The following ZNF148 variants were observed in gnomAD, a reference collection of about 807,000 sequenced individuals.
ZNF148 encodes the protein Beta-Enolase Repressor Factor-1.
ZNF148 carries 7 observed loss-of-function variants against 67.7 expected under a neutral mutation model. That is an observed-to-expected ratio of 0.10 (90% CI 0.06 to 0.19). The LOEUF (loss-of-function observed/expected upper bound fraction) is 0.19, where lower values mean the gene tolerates loss of function less well. Among genes scored for constraint, ZNF148 ranks in the 10% least tolerant of loss-of-function variants. ZNF148 has a pLI of 1.00. For synonymous variants in ZNF148, 333 were observed against 330.7 expected, an observed-to-expected ratio of 1.01 and a Z score of -0.08; for missense variants, 583 against 947.1, an observed-to-expected ratio of 0.62 and a Z score of 5.05.
At chr3:125,238,824 A>AG (rs1484292949) in intron 7 of ZNF148, among the ~76,000 whole-genome samples, 1 of 152,228 alleles carries the variant, frequency 6.6e-6, no homozygotes, top group Non-Finnish European at 1.5e-5. Context: ...CACTGATCAC[A>AG]GAATTATTCA....
chr3:125,256,135 G>A (rs572381875), intron 7 of ZNF148, among the ~76,000 whole-genome samples: 19 of 152,004 alleles, frequency 1.2e-4, no homozygotes, highest in East Asian at 3.9e-4. Flanking sequence ...AGGCCGAGGC[G>A]GGTGGATCAC....
At chr3:125,288,037 G>A in intron 5 of ZNF148, 66 bp downstream of exon 5, 5 of 1,606,430 alleles carry the variant, frequency 3.1e-6, no homozygotes, top group South Asian at 2.2e-5. Context: ...CCAGGTTCTT[G>A]CCTATAGAAT....
chr3:125,322,314 AT>A lies in ZNF148; in HGVS notation c.-17+994del, dbSNP rs879720472. Reference sequence around the variant, plus strand: ...CTGCTGGGATTACAGGCCTGAGGCCATTTTTTTTTTTTTAATGAAAATAAAT... The same window carrying A: ...CTGCTGGGATTACAGGCCTGAGGCCATTTTTTTTTTTTAATGAAAATAAAT... On this transcript the variant is annotated intron_variant, in intron 3 of 8. Coordinates refer to ENST00000360647, the MANE Select transcript of ZNF148 (RefSeq NM_021964.3). 8.5e-3 allele frequency among the ~76,000 whole-genome samples: 1,208 copies of A among 142,554 alleles called. 7 individuals are homozygous for A. The highest frequency in any genetic ancestry group is 0.021 in the African/African-American group (813 of 39,066). 93.5% of individuals were successfully genotyped at this position (142,554 alleles called of 152,430 possible).
chr3:125,372,899 G>A (rs188472487), intron 1 of ZNF148, among the ~76,000 whole-genome samples: 55 of 152,280 alleles, frequency 3.6e-4, no homozygotes, highest in Admixed American at 3.4e-3. Context: ...CCGGGAGGTG[G>A]AGGTTGCAGT....
rs1054908119 is a variant in ZNF148 at position 125,228,199 on chromosome 3, T to C, written c.*4142A>G. ...ATCCAAAGCAAATCACAAAGTTAGG[T>C]AGCAGTACAGAAGCAGGAAAAAAAA... On this transcript the variant is annotated 3_prime_UTR_variant, in exon 9 of 9. Transcript: ENST00000360647. 1 of 152,520 alleles carries C rather than the reference T, an allele frequency of 6.6e-6. No homozygotes were observed. Among genetic ancestry groups the C allele is most frequent in the Non-Finnish European group, 1.5e-5 (1 of 68,012 alleles). The allele number at this position is 152,520 out of a possible 1,614,324, so 9.4% of individuals were successfully genotyped here.
At chr3:125,350,116 T>C (rs1942085491) in intron 1 of ZNF148, among the ~76,000 whole-genome samples, 1 of 152,100 alleles carries the variant, frequency 6.6e-6, no homozygotes, top group Non-Finnish European at 1.5e-5. Flanking sequence ...GTTCCAGAAA[T>C]CCCACTTGTG....
chr3:125,234,060 C>A, intron 8 of ZNF148, 121 bp from the exon 9 acceptor site: 3 of 1,349,778 alleles, frequency 2.2e-6, no homozygotes, highest in South Asian at 1.5e-5. Flanking sequence ...TAATTCCAAA[C>A]AAATTCACTG....
chr3:125,368,041 T>C (rs1270291956), intron 1 of ZNF148, among the ~76,000 whole-genome samples: 1 of 152,224 alleles, frequency 6.6e-6, no homozygotes, highest in East Asian at 1.9e-4. Context: ...AGTTCCTCTC[T>C]GAGATCCCTA....
rs554270025 is a variant in ZNF148, at chr3:125,358,004, AC to A, written c.-234+17097del. ...CATCTTTCCATTTTACTTTTCTAAT[AC>A]TTGAAGTAACAAGCTTCATAAATCG... On this transcript the variant is annotated intron_variant, in intron 1 of 8. Coordinates refer to ENST00000360647, the MANE Select transcript of ZNF148 (RefSeq NM_021964.3). Among the ~76,000 whole-genome samples, 22 of 152,300 alleles carry A rather than the reference AC, an allele frequency of 1.4e-4. No individual in the cohort carries two copies. In the East Asian group the frequency reaches 4.2e-3, roughly 29 times the overall value.
chr3:125,311,932 G>A (rs549527714), intron 4 of ZNF148, among the ~76,000 whole-genome samples: 1 of 152,250 alleles, frequency 6.6e-6, no homozygotes, highest in South Asian at 2.1e-4. Context: ...ATATTTATAG[G>A]AGAAATCAAA....
intron 1 of ZNF148, among the ~76,000 whole-genome samples, chr3:125,360,624 T>G (rs1051206131): frequency 1.3e-5 from 2 of 152,064 alleles, no homozygotes; most frequent in African/African-American, 4.8e-5. Flanking sequence ...ATCTTTTGTT[T>G]CCAATGTCTC....
chr3:125,233,012 A>G lies in ZNF148; in HGVS notation c.1714T>C (p.Ser572Pro). The change falls in exon 9 of 9, where the codon TCA (serine) becomes CCA (proline). Residue 572 changes from serine to proline, a missense_variant. Transcript: ENST00000360647. This position sits in a 1 kb window ranked among gnomAD's most constrained non-coding sequence, Gnocchi z 5.1. The stretch of plus-strand genomic sequence containing the variant: ...TCTGGTACTTCTGAAGAATTTATTG[A>G]TATGCTAGAAGTCACTTCAGTATCT... ...VADTEVTSSISINSSEVPEVT... is the reference protein window; with the variant it reads ...VADTEVTSSIPINSSEVPEVT... 4 of 1,613,602 alleles carry G rather than the reference A, an allele frequency of 2.5e-6. No homozygotes were observed. Among genetic ancestry groups the G allele is most frequent in the Non-Finnish European group, 3.4e-6 (4 of 1,179,836 alleles).
intron 7 of ZNF148, among the ~76,000 whole-genome samples, chr3:125,244,888 C>T (rs1231350195): frequency 6.6e-6 from 1 of 152,144 alleles, no homozygotes; most frequent in African/African-American, 2.4e-5. Context: ...GCATCTATGA[C>T]ATCCATACTC....
rs368159899 is a variant in ZNF148 at position 125,287,222 on chromosome 3, TCAC to T, written c.459+878_459+880del. Among the ~76,000 whole-genome samples, 126 of 152,268 alleles carry T rather than the reference TCAC, an allele frequency of 8.3e-4. 1 individual carries two copies. Among genetic ancestry groups the T allele is most frequent in the African/African-American group, 2.9e-3 (122 of 41,548 alleles). On this transcript the variant is annotated intron_variant, in intron 5 of 8. Transcript: ENST00000360647. Reference sequence around the variant, plus strand: ...TATGATCTTTTTAAAAAGGACTTTCTCACCACATGAGGGAAGAAAAAAATAAGA... The same window carrying T: ...TATGATCTTTTTAAAAAGGACTTTCTCACATGAGGGAAGAAAAAAATAAGA...
chr3:125,365,452 A>C (rs1942672979), intron 1 of ZNF148, among the ~76,000 whole-genome samples: 1 of 152,168 alleles, frequency 6.6e-6, no homozygotes, highest in African/African-American at 2.4e-5. Flanking sequence ...TTATACTCTA[A>C]TGTACTGCAC....
In ZNF148 at chr3:125,317,662, T is replaced by TAGAGAGAAAGAGAGAGAGAGAGAG. The variant is rs1940575665; in HGVS notation, c.-16-4007_-16-4006insCTCTCTCTCTCTCTCTTTCTCTCT. Among the ~76,000 whole-genome samples the TAGAGAGAAAGAGAGAGAGAGAGAG allele has an allele frequency of 2.2e-5, 2 of 90,024 alleles. 1 individual carries two copies. Among genetic ancestry groups the TAGAGAGAAAGAGAGAGAGAGAGAG allele is most frequent in the Non-Finnish European group, 4.4e-5 (2 of 45,904 alleles). 59.1% of individuals were successfully genotyped at this position (90,024 alleles called of 152,430 possible). On this transcript the variant is annotated intron_variant, in intron 3 of 8. Coordinates refer to ENST00000360647, the MANE Select transcript of ZNF148 (RefSeq NM_021964.3). The stretch of plus-strand genomic sequence containing the variant: ...GATCTTTTATATATATATATATATA[T>TAGAGAGAAAGAGAGAGAGAGAGAG]AGAGAGAGAGAGAGAGAAATACATA...
At chr3:125,294,213 G>A (rs906603197) in intron 4 of ZNF148, among the ~76,000 whole-genome samples, 7 of 152,036 alleles carry the variant, frequency 4.6e-5, no homozygotes, top group Non-Finnish European at 1.5e-5. Flanking sequence ...TAAAAGATGA[G>A]GAAAAGTCTG....
At chr3:125,253,928 A>G (rs1336764415) in intron 7 of ZNF148, among the ~76,000 whole-genome samples, 1 of 152,192 alleles carries the variant, frequency 6.6e-6, no homozygotes, top group East Asian at 1.9e-4. Flanking sequence ...TGGTTTCATA[A>G]AACAAACTGA....
chr3:125,307,989 C>T (rs948041764), intron 4 of ZNF148, among the ~76,000 whole-genome samples: 13 of 152,196 alleles, frequency 8.5e-5, no homozygotes, highest in African/African-American at 2.9e-4. Flanking sequence ...AGAGTAAATG[C>T]AGTCCCCTTA....
Sources: gnomAD v4.1 joint callset for allele counts (sites outside exome capture counted in the v4.1 genomes callset) on GRCh38, gnomAD v4.1.1 for gene constraint, Gnocchi (gnomAD v3.1) non-coding constraint, MANE v1.5 for transcripts, NCBI Gene and HGNC (gene_info 2026-07-23, HGNC 2026-07-21) for gene names.